The following DGKB variants were observed in gnomAD, a reference collection of about 807,000 sequenced individuals.
DGKB encodes the protein diacylglycerol kinase beta, also known as 90 kDa diacylglycerol kinase.
In DGKB, 67 loss-of-function variants were observed where a neutral mutation model predicts 114.3. That is an observed-to-expected ratio of 0.59 (90% CI 0.48 to 0.72). DGKB has a LOEUF of 0.72. Among genes scored for constraint, DGKB ranks in the 30% least tolerant of loss-of-function variants. The pLI, the probability that DGKB is intolerant of heterozygous loss-of-function variation, is 0.00. For synonymous variants in DGKB, 398 were observed against 323.1 expected, an observed-to-expected ratio of 1.23 and a Z score of -2.49; for missense variants, 907 against 975.2, an observed-to-expected ratio of 0.93 and a Z score of 0.93.
rs142029777 is a variant in DGKB at position 14,176,580 on chromosome 7, G to A, written c.2304+259C>T. 4,286 of 1,151,042 alleles carry A rather than the reference G, an allele frequency of 3.7e-3. 18 individuals carry two copies. Among genetic ancestry groups the A allele is most frequent in the Middle Eastern group, 0.015 (44 of 2,866 alleles). 71.3% of individuals were successfully genotyped at this position (1,151,042 alleles called of 1,614,324 possible). On this transcript the variant is annotated intron_variant, in intron 25 of 25. Transcript: ENST00000402815. ...GCTCCATAGTTTATAATTGATCTAT[G>A]GTTTATAATTGATCTATTTAAAAGA...
chr7:14,229,761 A>G (rs78785126), intron 23 of DGKB, among the ~76,000 whole-genome samples: 1 of 151,962 alleles, frequency 6.6e-6, no homozygotes, highest in African/African-American at 2.4e-5. Context: ...GTCTCTAAGC[A>G]TAAAGTTGTT....
rs372481904 is a variant in DGKB, at chr7:14,337,455, T to C, written c.2122+1060A>G. The stretch of plus-strand genomic sequence containing the variant: ...ATTGGCAGGTTGTGATAAGCATTTC[T>C]TTCAAGAGAATACCTAACACTTTCT... On this transcript the variant is annotated intron_variant, in intron 23 of 25. Coordinates refer to ENST00000402815, the MANE Select transcript of DGKB (RefSeq NM_001350709.2). 6.6e-5 allele frequency among the ~76,000 whole-genome samples: 10 copies of C among 152,254 alleles called. No homozygotes were observed. The East Asian group carries it at 1.9e-3, about 29-fold the overall frequency.
At position 14,279,171 on chromosome 7, in the gene DGKB, G is replaced by C. The variant is rs553154242; in HGVS notation, c.2122+59344C>G. On this transcript the variant is annotated intron_variant, in intron 23 of 25. Coordinates refer to ENST00000402815, the MANE Select transcript of DGKB (RefSeq NM_001350709.2). ...TCCCACCCGAATACTGCGCTTTTCC[G>C]ATGGGCTTAAAAAATGGCGCACCAC... Among the ~76,000 whole-genome samples, 629 of 152,294 alleles carry C rather than the reference G, an allele frequency of 4.1e-3. 2 individuals carry two copies. Among genetic ancestry groups the C allele is most frequent in the African/African-American group, 0.014 (600 of 41,568 alleles).
chr7:14,870,624 C>A (rs2358072), intron 1 of DGKB, among the ~76,000 whole-genome samples: 3 of 151,692 alleles, frequency 2.0e-5, no homozygotes, highest in Non-Finnish European at 4.4e-5. Context: ...GGTGAAAGTC[C>A]GTCTCTACTA....
chr7:14,211,284 C>CTATGTGATATT (rs1562626764), intron 23 of DGKB, among the ~76,000 whole-genome samples: 3,044 of 66,264 alleles, frequency 0.046, 780 homozygotes, highest in African/African-American at 0.25. Context: ...TCCTTAGCCT[C>CTATGTGATATT]TACTATGTGA....
At chr7:14,663,138 G>T (rs1170873773) in intron 13 of DGKB, among the ~76,000 whole-genome samples, 1 of 151,936 alleles carries the variant, frequency 6.6e-6, no homozygotes, top group Non-Finnish European at 1.5e-5. Context: ...ATGGTATACT[G>T]CCAGAGTTCT....
intron 4 of DGKB, among the ~76,000 whole-genome samples, chr7:14,744,564 A>G (rs1221796442): frequency 6.6e-6 from 1 of 152,200 alleles, no homozygotes; most frequent in Non-Finnish European, 1.5e-5. Context: ...GTGCTAACCC[A>G]TGGCTGGGCT....
intron 2 of DGKB, among the ~76,000 whole-genome samples, chr7:14,787,411 A>C (rs1281714097): frequency 1.3e-5 from 2 of 152,146 alleles, no homozygotes; most frequent in Non-Finnish European, 2.9e-5. Flanking sequence ...AATCTAAAAC[A>C]CTATGTATCT....
chr7:14,389,675 GT>G, intron 21 of DGKB, among the ~76,000 whole-genome samples: 1 of 152,276 alleles, frequency 6.6e-6, no homozygotes, highest in African/African-American at 2.4e-5. Context: ...AAATGGACTG[GT>G]TGTTTGGTCG....
chr7:14,576,183 A>G (rs1425875455), intron 19 of DGKB, among the ~76,000 whole-genome samples: 1 of 152,164 alleles, frequency 6.6e-6, no homozygotes, highest in African/African-American at 2.4e-5. Flanking sequence ...AAGCTATCAT[A>G]TATTTTACAG....
chr7:14,564,395 C>T (rs974180393), intron 20 of DGKB, among the ~76,000 whole-genome samples: 11 of 152,120 alleles, frequency 7.2e-5, no homozygotes, highest in Non-Finnish European at 1.3e-4. Context: ...GAGAGGGTAA[C>T]CCAATTCTCC....
intron 5 of DGKB, among the ~76,000 whole-genome samples, chr7:14,719,678 GT>G (rs1285959504): frequency 6.6e-6 from 1 of 151,984 alleles, no homozygotes; most frequent in Non-Finnish European, 1.5e-5. Context: ...CTCTACTTTA[GT>G]TTTTCAATTT....
intron 1 of DGKB, among the ~76,000 whole-genome samples, chr7:14,925,687 G>A (rs1353309583): frequency 6.6e-6 from 1 of 151,996 alleles, no homozygotes. Context: ...TTTAATTTCA[G>A]TTGTCATATG....
At chr7:14,308,877 G>T (rs1230615149) in intron 23 of DGKB, among the ~76,000 whole-genome samples, 1 of 152,106 alleles carries the variant, frequency 6.6e-6, no homozygotes, top group Non-Finnish European at 1.5e-5. Context: ...ATGTTCTTTT[G>T]TTACAGCCTT....
intron 13 of DGKB, among the ~76,000 whole-genome samples, chr7:14,652,704 T>C (rs1225579413): frequency 2.0e-5 from 3 of 149,518 alleles, no homozygotes; most frequent in Admixed American, 1.3e-4. Context: ...ACCATCAGAG[T>C]GAACAGGCAA....
At chr7:14,343,892 T>C (rs1271050050) in intron 22 of DGKB, among the ~76,000 whole-genome samples, 1 of 147,972 alleles carries the variant, frequency 6.8e-6, no homozygotes, top group Non-Finnish European at 1.5e-5. Context: ...ATATACTATA[T>C]ATTTAACTAT....
chr7:14,347,306 G>A (rs1310045347), intron 21 of DGKB, among the ~76,000 whole-genome samples: 3 of 151,978 alleles, frequency 2.0e-5, no homozygotes, highest in Non-Finnish European at 2.9e-5. Flanking sequence ...ACTGGCAAGG[G>A]TGTGGACAAA....
intron 9 of DGKB, among the ~76,000 whole-genome samples, chr7:14,693,151 G>A (rs887101528): frequency 3.3e-5 from 5 of 152,036 alleles, no homozygotes; most frequent in African/African-American, 1.2e-4. Context: ...GCAGCAAAGT[G>A]GTGAATACTA....
rs1353032294 is a variant in DGKB at position 14,514,341 on chromosome 7, AT to A, written c.1771-36117del. ...CAATGAAAGCATATATATGAGGATCATTTTTCCACCTTGAAATAATCTTTTG... is the reference window on the plus strand; with the variant it reads ...CAATGAAAGCATATATATGAGGATCATTTTCCACCTTGAAATAATCTTTTG... On this transcript the variant is annotated intron_variant, in intron 20 of 25. Coordinates refer to ENST00000402815, the MANE Select transcript of DGKB (RefSeq NM_001350709.2). Among the ~76,000 whole-genome samples, 3 of 152,246 alleles carry A rather than the reference AT, an allele frequency of 2.0e-5. 1 individual carries two copies. The East Asian group carries it at 5.8e-4, about 29-fold the overall frequency.
Sources: allele counts gnomAD v4.1 joint callset (sites outside exome capture counted in the v4.1 genomes callset), GRCh38; gene constraint gnomAD v4.1.1; transcripts MANE v1.5; gene names NCBI Gene and HGNC (gene_info 2026-07-23, HGNC 2026-07-21).